Variants in AUTS2 observed in about 807,000 individuals in gnomAD.
The protein encoded by AUTS2 is autism susceptibility gene 2 protein.
Under a neutral mutation model 112.4 loss-of-function variants are expected in AUTS2, and 17 were observed. The ratio of observed to expected loss-of-function variants is 0.15; its 90% confidence interval spans 0.10 to 0.23. The LOEUF (loss-of-function observed/expected upper bound fraction) is 0.23. AUTS2 is among the 10% of genes least tolerant of loss of function. The pLI, the probability that AUTS2 is intolerant of heterozygous loss-of-function variation, is 1.00. For synonymous variants in AUTS2, 751 were observed against 702.7 expected (o/e 1.07, Z -1.09); for missense variants, 1,510 against 1,701.6 (o/e 0.89, Z 1.98).
chr7:69,760,078 A>G (rs1449064399), intron 1 of AUTS2, among the ~76,000 whole-genome samples: 2 of 151,892 alleles, frequency 1.3e-5, no homozygotes, highest in Non-Finnish European at 2.9e-5. Flanking sequence ...GTATGAACTC[A>G]ATCTACAAAG....
intron 4 of AUTS2, among the ~76,000 whole-genome samples, chr7:70,222,949 G>A (rs924355459): frequency 2.7e-5 from 4 of 149,778 alleles, no homozygotes; most frequent in African/African-American, 4.9e-5. Flanking sequence ...GTGCAATGGC[G>A]TGATCTCAGC....
intron 2 of AUTS2, among the ~76,000 whole-genome samples, chr7:69,987,307 C>T (rs1276238449): frequency 1.3e-5 from 2 of 152,278 alleles, no homozygotes; most frequent in South Asian, 2.1e-4. Flanking sequence ...ATTTGAGCTT[C>T]TATTGAATCC....
rs941020357 is a variant in AUTS2, at chr7:69,967,840, T to C, written c.522+68342T>C. ...ATGGTTTCTTTTCCCAGGGGAAACCTGCCACCTCCCTCCAGTCTTGTCATG... is the reference window on the plus strand; with the variant it reads ...ATGGTTTCTTTTCCCAGGGGAAACCCGCCACCTCCCTCCAGTCTTGTCATG... On this transcript the variant is annotated intron_variant, in intron 2 of 18. Transcript: ENST00000342771. Among the ~76,000 whole-genome samples, 20 of 152,218 alleles carry C rather than the reference T, an allele frequency of 1.3e-4. 1 individual carries two copies. Among genetic ancestry groups the C allele is most frequent in the African/African-American group, 4.8e-4 (20 of 41,462 alleles).
chr7:69,855,819 G>A (rs550443481), intron 1 of AUTS2, among the ~76,000 whole-genome samples: 2 of 152,256 alleles, frequency 1.3e-5, no homozygotes, highest in East Asian at 3.9e-4. Flanking sequence ...TGCTGTGAGG[G>A]CCCCTTAGCC....
chr7:70,326,312 A>C (rs1390453096), intron 4 of AUTS2, among the ~76,000 whole-genome samples: 1 of 151,908 alleles, frequency 6.6e-6, no homozygotes, highest in East Asian at 1.9e-4. Flanking sequence ...CACTTCTCCC[A>C]AGGCAGCCTT....
intron 5 of AUTS2, among the ~76,000 whole-genome samples, chr7:70,671,358 G>C (rs1339967672): frequency 6.6e-6 from 1 of 152,156 alleles, no homozygotes; most frequent in African/African-American, 2.4e-5. Context: ...GTCAATCCTG[G>C]GTAACCGCTT....
intron 4 of AUTS2, among the ~76,000 whole-genome samples, chr7:70,245,164 ATATAT>A (rs1812849541): frequency 1.4e-5 from 2 of 139,384 alleles, no homozygotes; most frequent in Admixed American, 7.3e-5. Context: ...ATATATATAT[ATATAT>A]AAAAAATAAA....
rs1789918786 is a variant in AUTS2 at position 70,766,059 on chromosome 7, C to T, written c.1469-55C>T. The T allele has an allele frequency of 1.4e-5, 22 of 1,581,308 alleles. No individual in the cohort carries two copies. Among genetic ancestry groups the T allele is most frequent in the South Asian group, 1.2e-4 (10 of 85,128 alleles). ...CGTACCCCTCCACAGGAAGGCAGTC[C>T]GATGTCCTTTTCTGAAGGAAAAGGC... is the stretch of plus-strand genomic sequence containing the variant. On this transcript the variant is annotated intron_variant, in intron 8 of 18. Coordinates refer to ENST00000342771, the MANE Select transcript of AUTS2 (RefSeq NM_015570.4). The surrounding 1 kb of genome is among the most constrained non-coding windows in gnomAD (Gnocchi z 4.8).
chr7:70,725,655 T>C (rs1786985197), intron 6 of AUTS2, among the ~76,000 whole-genome samples: 1 of 152,206 alleles, frequency 6.6e-6, no homozygotes. Context: ...ATGTATCTGA[T>C]TGAAGAATGT....
At chr7:70,150,750 C>T (rs952675587) in intron 4 of AUTS2, among the ~76,000 whole-genome samples, 2 of 152,164 alleles carry the variant, frequency 1.3e-5, no homozygotes, top group Admixed American at 1.3e-4. Context: ...CAAAGTTTCT[C>T]TTTTCATGAC....
At chr7:70,132,342 C>G (rs1057472081) in intron 3 of AUTS2, among the ~76,000 whole-genome samples, 2 of 151,768 alleles carry the variant, frequency 1.3e-5, no homozygotes, top group East Asian at 1.9e-4. Context: ...GTGCCCGTGT[C>G]TAGGGGAGGG....
chr7:69,721,521 C>A (rs1436088591), intron 1 of AUTS2, among the ~76,000 whole-genome samples: 2 of 152,148 alleles, frequency 1.3e-5, no homozygotes, highest in Non-Finnish European at 2.9e-5. Flanking sequence ...TCAGTGTATT[C>A]CCAGTACCTA....
intron 4 of AUTS2, among the ~76,000 whole-genome samples, chr7:70,299,483 C>G (rs909072061): frequency 2.0e-5 from 3 of 152,228 alleles, no homozygotes; most frequent in Non-Finnish European, 4.4e-5. Flanking sequence ...TTTCTCCTCT[C>G]TCACAAGCTG....
chr7:69,688,820 G>T (rs548573370), intron 1 of AUTS2, among the ~76,000 whole-genome samples: 1 of 151,956 alleles, frequency 6.6e-6, no homozygotes, highest in Non-Finnish European at 1.5e-5. Context: ...TATCCATCTA[G>T]GGAAATGATC....
At chr7:70,748,893 C>T (rs1419185934) in intron 6 of AUTS2, among the ~76,000 whole-genome samples, 3 of 152,136 alleles carry the variant, frequency 2.0e-5, no homozygotes, top group Non-Finnish European at 2.9e-5. Context: ...GTCCATGATG[C>T]CATTTCCAAT....
intron 4 of AUTS2, among the ~76,000 whole-genome samples, chr7:70,184,666 GCTCT>G (rs888653351): frequency 2.6e-5 from 4 of 152,014 alleles, no homozygotes; most frequent in African/African-American, 9.7e-5. Flanking sequence ...GGCTTCTTCA[GCTCT>G]CTCTTTTTTG....
At chr7:69,735,260 A>G (rs1359127412) in intron 1 of AUTS2, among the ~76,000 whole-genome samples, 1 of 152,226 alleles carries the variant, frequency 6.6e-6, no homozygotes, top group African/African-American at 2.4e-5. Flanking sequence ...AGGAGGCACC[A>G]TTGTGAGTGA....
intron 5 of AUTS2, among the ~76,000 whole-genome samples, chr7:70,446,042 G>A (rs1796305189): frequency 6.6e-6 from 1 of 152,136 alleles, no homozygotes; most frequent in Admixed American, 6.5e-5. Flanking sequence ...AGGAGAAGGG[G>A]CCATGGTTCC....
At chr7:70,439,069 G>A (rs968634026) in intron 5 of AUTS2, among the ~76,000 whole-genome samples, 54 of 152,182 alleles carry the variant, frequency 3.5e-4, no homozygotes, top group Non-Finnish European at 5.6e-4. Flanking sequence ...ACTAATTAAC[G>A]TGGAAGTGAC....
Sources: gnomAD v4.1 joint callset for allele counts (sites outside exome capture counted in the v4.1 genomes callset) on GRCh38, gnomAD v4.1.1 for gene constraint, Gnocchi (gnomAD v3.1) non-coding constraint, MANE v1.5 for transcripts, NCBI Gene and HGNC (gene_info 2026-07-23, HGNC 2026-07-21) for gene names.